Variants in LAMA2 observed in about 807,000 individuals in gnomAD.
LAMA2 encodes laminin subunit alpha-2.
In LAMA2, 269 loss-of-function variants were observed where a neutral mutation model predicts 364.8. That is an observed-to-expected ratio of 0.74 (90% CI 0.67 to 0.82). The LOEUF is 0.82. Among genes scored for constraint, LAMA2 ranks in the 40% least tolerant of loss-of-function variants. LAMA2 has a pLI of 0.00. For missense variants in LAMA2, 3,807 were observed against 3,873.2 expected, an observed-to-expected ratio of 0.98 and a Z score of 0.45; for synonymous variants, 1,379 against 1,370.6, an observed-to-expected ratio of 1.01 and a Z score of -0.14.
chr6:128,949,449 A>C (rs1468926474), intron 1 of LAMA2, among the ~76,000 whole-genome samples: 1 of 152,150 alleles, frequency 6.6e-6, no homozygotes, highest in Non-Finnish European at 1.5e-5. Context: ...AAAATGTTAG[A>C]TAACTTAAGG....
chr6:128,984,342 TC>T (rs1488602044), intron 1 of LAMA2, among the ~76,000 whole-genome samples: 2 of 152,190 alleles, frequency 1.3e-5, no homozygotes, highest in South Asian at 2.1e-4. Flanking sequence ...GTGTAACTCT[TC>T]TGAGGCCTCC....
At chr6:129,096,609 C>A (rs1214371152) in intron 3 of LAMA2, among the ~76,000 whole-genome samples, 1 of 152,162 alleles carries the variant, frequency 6.6e-6, no homozygotes, top group Non-Finnish European at 1.5e-5. Context: ...AAAGCCCAGA[C>A]CCCTCAGGAC....
Position 129,201,972 on chromosome 6 carries a change from G to A in LAMA2, c.1782+9119G>A, listed in dbSNP as rs985518833. Among the ~76,000 whole-genome samples the A allele has an allele frequency of 1.6e-4, 24 of 151,882 alleles. 1 individual carries two copies. The highest frequency in any genetic ancestry group is 5.6e-4 in the African/African-American group (23 of 41,354). On this transcript the variant is annotated intron_variant, in intron 12 of 64. Coordinates refer to ENST00000421865, the MANE Select transcript of LAMA2 (RefSeq NM_000426.4). ...TGGGAGGCCAAGGCAGGTGGATCAC[G>A]AGGTCAGGAGTTCAAGACCAGCCTG... is the stretch of plus-strand genomic sequence containing the variant.
chr6:129,426,165 T>C (rs1781314695), intron 40 of LAMA2, among the ~76,000 whole-genome samples: 1 of 152,166 alleles, frequency 6.6e-6, no homozygotes, highest in Non-Finnish European at 1.5e-5. Context: ...CCAAATTGAC[T>C]CAGACTCCTG....
chr6:129,291,305 G>C (rs1489980930), intron 19 of LAMA2, among the ~76,000 whole-genome samples: 3 of 152,132 alleles, frequency 2.0e-5, no homozygotes. Flanking sequence ...ACTTGTATAA[G>C]CTATGGCTTC....
At chr6:128,933,262 G>A (rs1172648048) in intron 1 of LAMA2, among the ~76,000 whole-genome samples, 1 of 150,892 alleles carries the variant, frequency 6.6e-6, no homozygotes, top group Non-Finnish European at 1.5e-5. Context: ...GTGTGTGTGT[G>A]TGTCTGTGTG....
At chr6:129,088,593 C>A (rs967969170) in intron 3 of LAMA2, among the ~76,000 whole-genome samples, 1 of 151,396 alleles carries the variant, frequency 6.6e-6, no homozygotes, top group African/African-American at 2.4e-5. Context: ...CCCTCCCGGA[C>A]GGGGTGGCTG....
At chr6:129,332,995 C>T (rs532366951) in intron 29 of LAMA2, among the ~76,000 whole-genome samples, 1 of 142,794 alleles carries the variant, frequency 7.0e-6, no homozygotes, top group South Asian at 2.2e-4. Flanking sequence ...CAGGTTCAAG[C>T]GATTTTCCTG....
chr6:129,444,009 A>G (rs1434095426), intron 44 of LAMA2, among the ~76,000 whole-genome samples: 1 of 152,186 alleles, frequency 6.6e-6, no homozygotes, highest in Admixed American at 6.5e-5. Flanking sequence ...CTGATAAATC[A>G]AAAAGGTGAC....
chr6:129,354,587 AATAT>A (rs1223712563), intron 32 of LAMA2, among the ~76,000 whole-genome samples: 1 of 152,164 alleles, frequency 6.6e-6, no homozygotes, highest in African/African-American at 2.4e-5. Flanking sequence ...TTAACTAGAT[AATAT>A]ATAGATATTC....
In LAMA2 at chr6:129,315,508, C is replaced by A; in HGVS notation, c.3588C>A (p.Pro1196=). 6.2e-7 allele frequency: 1 copy of A among 1,614,048 alleles called. No homozygotes were observed. The highest frequency in any genetic ancestry group is 8.5e-7 in the Non-Finnish European group (1 of 1,179,928). ...TGAAGGCTGAGCAGACCATTCTACCCCTGGTAGATGAGGCTCTGCAGCACA... is the reference window on the plus strand; with the variant it reads ...TGAAGGCTGAGCAGACCATTCTACCACTGGTAGATGAGGCTCTGCAGCACA... ...VTLKAEQTIL[P]LVDEALQHTT... is the part of the protein sequence containing the mutation. The change falls in exon 25 of 65, where the codon CCC becomes CCA. Residue 1196 remains proline (P), a synonymous_variant. Transcript: ENST00000421865.
intron 4 of LAMA2, among the ~76,000 whole-genome samples, chr6:129,105,979 C>T (rs1775797757): frequency 6.6e-6 from 1 of 152,030 alleles, no homozygotes; most frequent in Non-Finnish European, 1.5e-5. Context: ...CTTCCATTTC[C>T]TCATACAGAG....
At chr6:129,190,444 C>A in intron 11 of LAMA2, 99 bp downstream of exon 11, 1 of 1,220,730 alleles carries the variant, frequency 8.2e-7, no homozygotes. Context: ...TAGTGAACTT[C>A]TACATAAAGT....
intron 4 of LAMA2, among the ~76,000 whole-genome samples, chr6:129,120,435 AT>A (rs1410055694): frequency 3.9e-5 from 6 of 152,330 alleles, no homozygotes; most frequent in Admixed American, 3.9e-4. Flanking sequence ...GTGCTAATTC[AT>A]TTTGAGCTTA....
chr6:129,411,755 A>G (rs1780551578), intron 40 of LAMA2, among the ~76,000 whole-genome samples: 1 of 151,674 alleles, frequency 6.6e-6, no homozygotes, highest in Non-Finnish European at 1.5e-5. Flanking sequence ...CTGAACTATA[A>G]TAAAATTCAC....
At chr6:129,249,243 C>T (rs937084686) in intron 12 of LAMA2, among the ~76,000 whole-genome samples, 1 of 152,148 alleles carries the variant, frequency 6.6e-6, no homozygotes, top group Admixed American at 6.5e-5. Flanking sequence ...CAGCAGAATA[C>T]AGATCATCAG....
At position 129,035,931 on chromosome 6, in the gene LAMA2, T is replaced by C. The variant is rs565981443; in HGVS notation, c.113-13987T>C. Among the ~76,000 whole-genome samples, 4 of 152,292 alleles carry C rather than the reference T, an allele frequency of 2.6e-5. No individual in the cohort carries two copies. In the South Asian group the frequency reaches 8.3e-4, roughly 32 times the overall value. Reference sequence around the variant, plus strand: ...GTCAGGTGATGTGATGCCCCCAGCGTTGATCTTTTTGCTTAGAATTGCTTT... The same window carrying C: ...GTCAGGTGATGTGATGCCCCCAGCGCTGATCTTTTTGCTTAGAATTGCTTT... On this transcript the variant is annotated intron_variant, in intron 1 of 64. Coordinates refer to ENST00000421865, the MANE Select transcript of LAMA2 (RefSeq NM_000426.4).
In LAMA2 at chr6:129,315,873, C is replaced by T. The variant is rs1166272369; in HGVS notation, c.3847C>T (p.His1283Tyr). The T allele has an allele frequency of 3.7e-6, 6 of 1,613,950 alleles. No individual in the cohort carries two copies. Among genetic ancestry groups the T allele is most frequent in the Non-Finnish European group, 5.1e-6 (6 of 1,179,986 alleles). Residue 1283 changes from histidine to tyrosine, a missense_variant, in exon 26 of 65, where the codon CAT becomes TAT. His to Tyr is a moderately conservative substitution (Grantham distance 83). Around this residue, in one of 3 missense-constraint regions of LAMA2, gnomAD observed 3,333 missense variants for 3,345.7 expected, o/e 1.00. Transcript: ENST00000421865. ...QVIIRGGTPT[H>Y]ARIIVRHMAA... ...GATCATTCGAGGTGGGACACCTACT[C>T]ATGCTAGAATTATCGTCAGGCATAT...
chr6:128,905,225 A>G (rs1467897380), intron 1 of LAMA2, among the ~76,000 whole-genome samples: 1 of 152,248 alleles, frequency 6.6e-6, no homozygotes, highest in African/African-American at 2.4e-5. Context: ...CCCTGACCTA[A>G]TAAATGATGT....
Sources: allele counts gnomAD v4.1 joint callset (sites outside exome capture counted in the v4.1 genomes callset), GRCh38; gene constraint gnomAD v4.1.1; regional missense constraint gnomAD v4.1.1; transcripts MANE v1.5; gene names NCBI Gene and HGNC (gene_info 2026-07-23, HGNC 2026-07-21).